PALM2AKAP2: variants seen among roughly 807,000 people sequenced by gnomAD.
The protein encoded by PALM2AKAP2 is PALM2 and AKAP2 fusion, also known as PALM2-AKAP2 fusion protein.
Under a neutral mutation model 71.5 loss-of-function variants are expected in PALM2AKAP2, and 37 were observed. The ratio of observed to expected loss-of-function variants is 0.52; its 90% CI spans 0.40 to 0.68. The LOEUF (loss-of-function observed/expected upper bound fraction) is 0.68. Among genes scored for constraint, PALM2AKAP2 ranks in the 30% least tolerant of loss-of-function variants. The pLI is 0.00. For synonymous variants in PALM2AKAP2, 468 were observed against 478.8 expected, an observed-to-expected ratio of 0.98 and a Z score of 0.29; for missense variants, 1,224 against 1,191.8, an observed-to-expected ratio of 1.03 and a Z score of -0.40.
At chr9:109,993,230 CAGG>C (rs898114323) in intron 6 of PALM2AKAP2, among the ~76,000 whole-genome samples, 39 of 150,296 alleles carry the variant, frequency 2.6e-4, no homozygotes, top group Non-Finnish European at 5.0e-4. Flanking sequence ...TTGAAAAGTC[CAGG>C]AGTTGTTGTT....
chr9:109,711,054 G>A (rs574324820), intron 1 of PALM2AKAP2, among the ~76,000 whole-genome samples: 1 of 152,242 alleles, frequency 6.6e-6, no homozygotes, highest in Admixed American at 6.5e-5. Flanking sequence ...TAATTGCCAT[G>A]TTGATCTCCA....
chr9:109,919,588 C>A (rs1830776526), intron 3 of PALM2AKAP2, among the ~76,000 whole-genome samples: 1 of 151,804 alleles, frequency 6.6e-6, no homozygotes, highest in Non-Finnish European at 1.5e-5. Flanking sequence ...TATGTTCTTT[C>A]TAATCGTTTA....
chr9:110,136,296 C>G, exon 2 of PALM2AKAP2: 1 of 1,614,176 alleles, frequency 6.2e-7, no homozygotes, highest in East Asian at 2.2e-5. Flanking sequence ...ACCTCTACCC[C>G]ACATCCCATG....
chr9:109,681,144 A>G (rs1029417655), intron 1 of PALM2AKAP2, among the ~76,000 whole-genome samples: 1 of 152,244 alleles, frequency 6.6e-6, no homozygotes, highest in East Asian at 1.9e-4. Context: ...GAAGAAATTA[A>G]CAAAAACATT....
intron 6 of PALM2AKAP2, among the ~76,000 whole-genome samples, chr9:109,971,912 C>T (rs969291237): frequency 6.6e-6 from 1 of 152,126 alleles, no homozygotes; most frequent in African/African-American, 2.4e-5. Context: ...AACTCCTGCC[C>T]GTTGAAAGAT....
chr9:109,648,333 T>G (rs1254938142), intron 1 of PALM2AKAP2, among the ~76,000 whole-genome samples: 7 of 152,250 alleles, frequency 4.6e-5, no homozygotes, highest in African/African-American at 1.7e-4. Flanking sequence ...TTTTAGCATT[T>G]GCAAATTTGA....
intron 1 of PALM2AKAP2, among the ~76,000 whole-genome samples, chr9:110,107,556 G>A (rs1320478462): frequency 3.3e-5 from 5 of 152,156 alleles, no homozygotes; most frequent in Admixed American, 1.3e-4. Flanking sequence ...AAAAAGTAAG[G>A]AGAACCTCTA....
intron 1 of PALM2AKAP2, among the ~76,000 whole-genome samples, chr9:109,704,294 T>A (rs1029797178): frequency 2.6e-5 from 4 of 152,238 alleles, no homozygotes; most frequent in Non-Finnish European, 5.9e-5. Flanking sequence ...CCCCCCTTTT[T>A]AGCCTGTAAA....
chr9:109,977,427 CT>C (rs1832191174), intron 6 of PALM2AKAP2, among the ~76,000 whole-genome samples: 1 of 152,154 alleles, frequency 6.6e-6, no homozygotes, highest in Non-Finnish European at 1.5e-5. Flanking sequence ...CATGCTAGTG[CT>C]TTTGCAGAAT....
chr9:109,928,497 C>A (rs1831007761), intron 5 of PALM2AKAP2, among the ~76,000 whole-genome samples: 1 of 152,098 alleles, frequency 6.6e-6, no homozygotes, highest in Non-Finnish European at 1.5e-5. Context: ...TTGAGGCCAC[C>A]TGAAGAAGTT....
At chr9:109,832,622 A>G (rs943912229) in intron 1 of PALM2AKAP2, among the ~76,000 whole-genome samples, 1 of 152,216 alleles carries the variant, frequency 6.6e-6, no homozygotes, top group Non-Finnish European at 1.5e-5. Context: ...TTTCATTGTC[A>G]TGCCTTAACA....
At chr9:109,765,158 A>G (rs1829128763) in intron 1 of PALM2AKAP2, among the ~76,000 whole-genome samples, 1 of 152,236 alleles carries the variant, frequency 6.6e-6, no homozygotes, top group Admixed American at 6.5e-5. Context: ...TACCTGGTCC[A>G]TAAGTTTAAA....
chr9:109,803,134 G>A (rs1020219875), intron 1 of PALM2AKAP2, among the ~76,000 whole-genome samples: 13 of 152,138 alleles, frequency 8.5e-5, no homozygotes, highest in African/African-American at 2.9e-4. Flanking sequence ...ACATTAAAAT[G>A]TACACATTAA....
intron 3 of PALM2AKAP2, among the ~76,000 whole-genome samples, chr9:109,903,379 A>G (rs931779847): frequency 2.6e-5 from 4 of 152,040 alleles, no homozygotes; most frequent in African/African-American, 4.8e-5. Context: ...CACTTACTGC[A>G]ACCCATTTAT....
intron 1 of PALM2AKAP2, among the ~76,000 whole-genome samples, chr9:109,793,562 A>G (rs1827172964): frequency 1.3e-5 from 2 of 152,204 alleles, no homozygotes; most frequent in Admixed American, 6.5e-5. Context: ...TCATTTTTCC[A>G]TTTTACTAGT....
intron 1 of PALM2AKAP2, among the ~76,000 whole-genome samples, chr9:110,067,293 TAAG>T (rs1834101881): frequency 6.6e-6 from 1 of 152,210 alleles, no homozygotes; most frequent in African/African-American, 2.4e-5. Flanking sequence ...CAATGATAAT[TAAG>T]AAAACTTTGT....
At chr9:110,074,082 G>A (rs890328742) in intron 1 of PALM2AKAP2, among the ~76,000 whole-genome samples, 4 of 152,170 alleles carry the variant, frequency 2.6e-5, no homozygotes, top group Admixed American at 6.5e-5. Context: ...ACACAGCATC[G>A]CTTCTGTGAT....
intron 1 of PALM2AKAP2, among the ~76,000 whole-genome samples, chr9:110,091,271 G>T (rs1450161190): frequency 6.6e-6 from 1 of 151,808 alleles, no homozygotes; most frequent in African/African-American, 2.4e-5. Context: ...TATTGTCTAC[G>T]GTCAATAAAG....
In PALM2AKAP2 at chr9:109,761,148, A is replaced by G. The variant is rs577360660; in HGVS notation, c.6-19340A>G. ...TCTATTTGAATGAAAAACAGGCTAT[A>G]CATAAAATGGTTTTAAAATGAAAAG... On this transcript the variant is annotated intron_variant, in intron 1 of 6. Transcript: ENST00000374531. Among the ~76,000 whole-genome samples the G allele has an allele frequency of 3.3e-5, 5 of 152,360 alleles. No homozygotes were observed. In the East Asian group the frequency reaches 9.6e-4, roughly 29 times the overall value.
Sources: allele counts gnomAD v4.1 joint callset (sites outside exome capture counted in the v4.1 genomes callset), GRCh38; gene constraint gnomAD v4.1.1; transcripts MANE v1.5; gene names NCBI Gene and HGNC (gene_info 2026-07-23, HGNC 2026-07-21).